Variants in GAREM1 observed in about 807,000 individuals in gnomAD.
GAREM1 encodes the protein GRB2-associated and regulator of MAPK protein 1.
Under a neutral mutation model 71.3 loss-of-function variants are expected in GAREM1, and 26 were observed. The ratio of observed to expected loss-of-function variants is 0.36; its 90% confidence interval spans 0.27 to 0.51. GAREM1 has a LOEUF of 0.51. Ranked by LOEUF, GAREM1 falls within the 20% of genes least tolerant of loss-of-function variation. The pLI is 0.95. For synonymous variants in GAREM1, 440 were observed against 433.2 expected (o/e 1.02, Z -0.20); for missense variants, 1,026 against 1,103.1 (o/e 0.93, Z 0.99).
At chr18:32,416,154 A>G (rs2048464680) in intron 1 of GAREM1, among the ~76,000 whole-genome samples, 1 of 152,142 alleles carries the variant, frequency 6.6e-6, no homozygotes, top group Non-Finnish European at 1.5e-5. Flanking sequence ...CCTAGAAATT[A>G]ACTTAACCAA....
intron 1 of GAREM1, among the ~76,000 whole-genome samples, chr18:32,396,237 ACT>A (rs1425494338): frequency 1.3e-5 from 2 of 152,110 alleles, no homozygotes; most frequent in African/African-American, 4.8e-5. Flanking sequence ...AAAGCTGAAA[ACT>A]CTAAAAATCA....
intron 1 of GAREM1, among the ~76,000 whole-genome samples, chr18:32,460,947 G>A (rs17736872): frequency 0.12 from 18,727 of 152,046 alleles, 1,258 homozygotes; most frequent in South Asian, 0.19. Context: ...GTGAAAAATC[G>A]AAAAATGAGT....
At chr18:32,273,716 A>T (rs80109023) in intron 4 of GAREM1, among the ~76,000 whole-genome samples, 1 of 148,280 alleles carries the variant, frequency 6.7e-6, no homozygotes, top group African/African-American at 2.5e-5. Flanking sequence ...TGTGTGTGTG[A>T]GAGAGAGAGA....
At chr18:32,320,999 T>C (rs1265906958) in intron 2 of GAREM1, among the ~76,000 whole-genome samples, 3 of 152,204 alleles carry the variant, frequency 2.0e-5, no homozygotes, top group Admixed American at 6.5e-5. Context: ...GCTACTATTC[T>C]GGTTTTGATT....
chr18:32,438,898 G>A lies in GAREM1; in HGVS notation c.121+31410C>T, dbSNP rs539895059. ...AGCCCCAGGAATTGGAGGAAGATGG[G>A]AAGGGATGAGAACAGAAGTAGCACA... is the stretch of plus-strand genomic sequence containing the variant. On this transcript the variant is annotated intron_variant, in intron 1 of 5. Coordinates refer to ENST00000269209, the MANE Select transcript of GAREM1 (RefSeq NM_001242409.2). Among the ~76,000 whole-genome samples the A allele has an allele frequency of 1.8e-4, 28 of 152,262 alleles. No homozygotes were observed. In the South Asian group the frequency reaches 5.8e-3, roughly 32 times the overall value.
intron 2 of GAREM1, among the ~76,000 whole-genome samples, chr18:32,347,975 T>C (rs898893516): frequency 4.6e-5 from 7 of 152,218 alleles, no homozygotes; most frequent in African/African-American, 1.7e-4. Flanking sequence ...CCTTGCTAAT[T>C]TGAAAACTAC....
At chr18:32,418,790 T>C (rs987068558) in intron 1 of GAREM1, among the ~76,000 whole-genome samples, 2 of 152,160 alleles carry the variant, frequency 1.3e-5, no homozygotes, top group African/African-American at 2.4e-5. Context: ...GGAAAACATA[T>C]TGTAAGCTTG....
intron 1 of GAREM1, among the ~76,000 whole-genome samples, chr18:32,458,758 A>T (rs1227806055): frequency 1.3e-5 from 2 of 152,090 alleles, no homozygotes; most frequent in African/African-American, 4.8e-5. Context: ...CGTTTTCATT[A>T]TCTAAACTAG....
At chr18:32,353,391 T>C (rs2047772526) in intron 2 of GAREM1, among the ~76,000 whole-genome samples, 1 of 152,196 alleles carries the variant, frequency 6.6e-6, no homozygotes, top group Non-Finnish European at 1.5e-5. Flanking sequence ...CTAGCTGGCC[T>C]CTCAGACCAC....
At chr18:32,440,607 T>A (rs2048726022) in intron 1 of GAREM1, among the ~76,000 whole-genome samples, 1 of 152,256 alleles carries the variant, frequency 6.6e-6, no homozygotes, top group Non-Finnish European at 1.5e-5. Flanking sequence ...AAAATTGGAA[T>A]GTATCCTACA....
At chr18:32,296,518 G>A (rs1165549930) in intron 3 of GAREM1, among the ~76,000 whole-genome samples, 1 of 152,056 alleles carries the variant, frequency 6.6e-6, no homozygotes, top group Non-Finnish European at 1.5e-5. Context: ...CTGGTCCTCC[G>A]ATCTGTGAAT....
intron 1 of GAREM1, among the ~76,000 whole-genome samples, chr18:32,462,685 A>G (rs1157100497): frequency 6.6e-6 from 1 of 152,216 alleles, no homozygotes; most frequent in African/African-American, 2.4e-5. Flanking sequence ...ATCCTCGCCT[A>G]GTCTAATGTC....
intron 1 of GAREM1, among the ~76,000 whole-genome samples, chr18:32,467,695 T>G (rs1473556422): frequency 6.6e-6 from 1 of 152,212 alleles, no homozygotes; most frequent in Non-Finnish European, 1.5e-5. Flanking sequence ...AGTGGCATGT[T>G]TTTCAATTTT....
chr18:32,297,154 G>A (rs927878493), intron 3 of GAREM1, among the ~76,000 whole-genome samples: 6 of 152,116 alleles, frequency 3.9e-5, no homozygotes, highest in Non-Finnish European at 1.5e-5. Context: ...TCTAAAATAC[G>A]TGCTCTCTGT....
intron 2 of GAREM1, among the ~76,000 whole-genome samples, chr18:32,365,451 T>G (rs945099953): frequency 1.3e-5 from 2 of 152,194 alleles, no homozygotes; most frequent in Non-Finnish European, 2.9e-5. Context: ...ATCAATGAGA[T>G]TTCCTATAAA....
chr18:32,379,982 G>C (rs2048079392), intron 2 of GAREM1, among the ~76,000 whole-genome samples: 1 of 152,036 alleles, frequency 6.6e-6, no homozygotes, highest in Non-Finnish European at 1.5e-5. Context: ...TTAAAATAAA[G>C]GAAGAAGGGC....
At chr18:32,376,752 C>T (rs775900800) in intron 2 of GAREM1, among the ~76,000 whole-genome samples, 39 of 152,262 alleles carry the variant, frequency 2.6e-4, no homozygotes, top group Non-Finnish European at 4.1e-4. Flanking sequence ...GCAGAAGAAT[C>T]GCTTGAACCC....
At chr18:32,379,542 T>TA (rs2048072286) in intron 2 of GAREM1, among the ~76,000 whole-genome samples, 1 of 142,876 alleles carries the variant, frequency 7.0e-6, no homozygotes, top group African/African-American at 2.6e-5. Flanking sequence ...CCATCTCTAC[T>TA]AAAATACAAA....
intron 1 of GAREM1, among the ~76,000 whole-genome samples, chr18:32,402,382 A>G (rs113552941): frequency 2.8e-4 from 43 of 152,332 alleles, no homozygotes; most frequent in Middle Eastern, 3.4e-3. Context: ...TAGGATAACT[A>G]GAATCCATGA....
Sources: allele counts gnomAD v4.1 joint callset (sites outside exome capture counted in the v4.1 genomes callset), GRCh38; gene constraint gnomAD v4.1.1; transcripts MANE v1.5; gene names NCBI Gene and HGNC (gene_info 2026-07-23, HGNC 2026-07-21).